Variants in ANKRD17 observed in about 807,000 individuals in gnomAD.
ANKRD17 encodes ankyrin repeat domain 17.
In ANKRD17, 19 loss-of-function variants were observed where a neutral mutation model predicts 229.7. That is an observed-to-expected ratio of 0.08 (90% CI 0.06 to 0.12). The LOEUF (loss-of-function observed/expected upper bound fraction) is 0.12. Among genes scored for constraint, ANKRD17 ranks in the 10% least tolerant of loss-of-function variants. The probability of loss-of-function intolerance (pLI) is 1.00; values close to 1 mark genes in which losing one functional copy is unlikely to be tolerated. For missense variants in ANKRD17, 2,176 were observed against 3,176.8 expected, an observed-to-expected ratio of 0.68 and a Z score of 7.57; for synonymous variants, 1,112 against 1,146.1, an observed-to-expected ratio of 0.97 and a Z score of 0.60.
In ANKRD17 at chr4:73,120,864, C is replaced by T. The variant is rs1371030904; in HGVS notation, c.3849+17G>A. On this transcript the variant is annotated intron_variant, in intron 20 of 33. Coordinates refer to ENST00000358602, the MANE Select transcript of ANKRD17 (RefSeq NM_032217.5). ...CAAAGCAATAAATTCATGTGTAAAT[C>T]TCAGACTTTTTCTTACCTTAGCTCT... The T allele has an allele frequency of 6.2e-7, 1 of 1,603,894 alleles. No individual in the cohort carries two copies. The highest frequency in any genetic ancestry group is 1.7e-5 in the Admixed American group (1 of 59,216).
chr4:73,138,624 T>C (rs1251991485), intron 15 of ANKRD17, among the ~76,000 whole-genome samples: 1 of 152,156 alleles, frequency 6.6e-6, no homozygotes, highest in African/African-American at 2.4e-5. Flanking sequence ...AGAGATCAGA[T>C]GGAAGTCACC....
intron 28 of ANKRD17, 108 bp downstream of exon 28, chr4:73,093,966 TTTAAA>T (rs1723042838): frequency 9.8e-7 from 1 of 1,018,292 alleles, no homozygotes; most frequent in African/African-American, 1.6e-5. Context: ...AAATTCCCAT[TTTAAA>T]AAGTATACTA....
At chr4:73,223,276 CTT>C in intron 1 of ANKRD17, among the ~76,000 whole-genome samples, 1 of 152,118 alleles carries the variant, frequency 6.6e-6, no homozygotes, top group Non-Finnish European at 1.5e-5. Flanking sequence ...AATAAAGTCT[CTT>C]ATTTTACCAC....
intron 1 of ANKRD17, among the ~76,000 whole-genome samples, chr4:73,208,401 A>C (rs1032560960): frequency 6.6e-6 from 1 of 152,200 alleles, no homozygotes; most frequent in East Asian, 1.9e-4. Context: ...GACCACACAT[A>C]ATTAAATGGG....
chr4:73,258,255 C>G (rs1465517337), intron 1 of ANKRD17, 21 bp downstream of exon 1: 1 of 1,613,630 alleles, frequency 6.2e-7, no homozygotes, highest in South Asian at 1.1e-5. Flanking sequence ...CTCCCTCCTT[C>G]CTTTGAAACC....
intron 1 of ANKRD17, among the ~76,000 whole-genome samples, chr4:73,198,444 C>A (rs977522753): frequency 2.6e-5 from 4 of 152,082 alleles, no homozygotes; most frequent in African/African-American, 9.7e-5. Context: ...AAGGATAGGT[C>A]TACTTGACAC....
intron 1 of ANKRD17, among the ~76,000 whole-genome samples, chr4:73,192,895 CTTCTTTTAATTCTTT>C (rs374698320): frequency 1.8e-4 from 27 of 152,266 alleles, no homozygotes; most frequent in South Asian, 4.1e-4. Context: ...ATTATGTTCT[CTTCTTTTAATTCTTT>C]TTCTTTTAAT....
chr4:73,085,541 C>G (rs1016274259), intron 29 of ANKRD17, 95 bp from the exon 30 acceptor site: 16 of 1,090,356 alleles, frequency 1.5e-5, no homozygotes, highest in Non-Finnish European at 2.1e-5. Flanking sequence ...ATATTCAAAA[C>G]TATTTTAGAT....
At chr4:73,167,617 T>C (rs1733406236) in intron 2 of ANKRD17, among the ~76,000 whole-genome samples, 1 of 152,196 alleles carries the variant, frequency 6.6e-6, no homozygotes. Context: ...CTCTGAGGTA[T>C]ATTTTTAAAT....
intron 1 of ANKRD17, among the ~76,000 whole-genome samples, chr4:73,196,956 G>A (rs374225723): frequency 8.5e-5 from 13 of 152,096 alleles, no homozygotes; most frequent in African/African-American, 3.1e-4. Context: ...ACACATGTAT[G>A]TGTATGTGTA....
At chr4:73,077,126 C>G in intron 32 of ANKRD17, 22 bp from the exon 33 acceptor site, 1 of 1,539,052 alleles carries the variant, frequency 6.5e-7, no homozygotes, top group East Asian at 2.3e-5. Context: ...AAAACACACA[C>G]ATTAACATCC....
chr4:73,107,460 T>C (rs567059862), intron 24 of ANKRD17, among the ~76,000 whole-genome samples: 1 of 152,160 alleles, frequency 6.6e-6, no homozygotes, highest in Non-Finnish European at 1.5e-5. Context: ...GGAGGGTGGA[T>C]ACAGATAAAT....
intron 1 of ANKRD17, among the ~76,000 whole-genome samples, chr4:73,234,830 T>A (rs551662873): frequency 1.3e-5 from 2 of 152,096 alleles, no homozygotes; most frequent in African/African-American, 4.8e-5. Flanking sequence ...GGAGAAAGGG[T>A]AGGAGGGAAG....
chr4:73,110,550 G>A (rs970107688), intron 24 of ANKRD17, among the ~76,000 whole-genome samples: 1 of 152,160 alleles, frequency 6.6e-6, no homozygotes, highest in Admixed American at 6.5e-5. Flanking sequence ...AATAACTTAC[G>A]TATGGAGAAT....
chr4:73,108,864 G>A (rs1186060828), intron 24 of ANKRD17, among the ~76,000 whole-genome samples: 1 of 152,120 alleles, frequency 6.6e-6, no homozygotes, highest in Non-Finnish European at 1.5e-5. Context: ...GTTTAAGATT[G>A]GAGAAATAAG....
intron 24 of ANKRD17, among the ~76,000 whole-genome samples, chr4:73,109,471 G>A (rs1725041068): frequency 6.6e-6 from 1 of 152,088 alleles, no homozygotes; most frequent in Admixed American, 6.6e-5. Context: ...GATAGATGGT[G>A]TAGGTAAAGT....
intron 25 of ANKRD17, chr4:73,098,738 T>C (rs1378124749): frequency 2.1e-6 from 2 of 955,264 alleles, no homozygotes; most frequent in Non-Finnish European, 3.3e-6. Context: ...AAAAAATATT[T>C]TGGGGGGCAT....
chr4:73,122,139 TAATC>T (rs1183032922), intron 18 of ANKRD17, among the ~76,000 whole-genome samples: 2 of 152,174 alleles, frequency 1.3e-5, no homozygotes, highest in African/African-American at 4.8e-5. Flanking sequence ...TTAAACCTTT[TAATC>T]AGTAAGTATT....
chr4:73,084,459 T>TTC (rs1291928743), intron 30 of ANKRD17, among the ~76,000 whole-genome samples: 2 of 151,726 alleles, frequency 1.3e-5, no homozygotes, highest in African/African-American at 4.8e-5. Flanking sequence ...AGATTTTTTT[T>TTC]TTTTTTTGAG....
Sources: allele counts gnomAD v4.1 joint callset (sites outside exome capture counted in the v4.1 genomes callset), GRCh38; gene constraint gnomAD v4.1.1; transcripts MANE v1.5; gene names NCBI Gene and HGNC (gene_info 2026-07-23, HGNC 2026-07-21).